PTPRJ: variants seen among roughly 807,000 people sequenced by gnomAD.
PTPRJ encodes protein tyrosine phosphatase receptor type J.
Under a neutral mutation model 141.3 loss-of-function variants are expected in PTPRJ, and 129 were observed. The ratio of observed to expected loss-of-function variants is 0.91; its 90% CI spans 0.79 to 1.06. The LOEUF is 1.06. PTPRJ is among the 50% of genes least tolerant of loss of function. PTPRJ has a pLI of 0.00. For synonymous variants in PTPRJ, 610 were observed against 640.5 expected (o/e 0.95, Z 0.72); for missense variants, 1,601 against 1,679.7 (o/e 0.95, Z 0.82).
At position 48,156,032 on chromosome 11, in the gene PTPRJ, G is replaced by T. The variant is rs760364226; in HGVS notation, c.3351G>T (p.Pro1117=). 1.2e-6 allele frequency: 2 copies of T among 1,606,024 alleles called. No homozygotes were observed. Among genetic ancestry groups the T allele is most frequent in the Middle Eastern group, 1.7e-4 (1 of 6,046 alleles). ...KDFIATQGPL[P]NTLKDFWRMV... ...TTATTGCCACACAAGGACCTTTACC[G>T]AACACTTTGAAAGATTTTTGGCGTA... Residue 1117 remains proline, a synonymous_variant, in exon 21 of 25, where the codon CCG becomes CCT. Transcript: ENST00000418331.
At chr11:48,023,816 A>G (rs1375714504) in intron 1 of PTPRJ, among the ~76,000 whole-genome samples, 1 of 147,024 alleles carries the variant, frequency 6.8e-6, no homozygotes, top group Non-Finnish European at 1.5e-5. Context: ...ATAAATAAAT[A>G]AATAAATAAA....
At chr11:48,147,015 A>C (rs1467084223) in intron 15 of PTPRJ, 52 bp downstream of exon 15, 1 of 1,476,732 alleles carries the variant, frequency 6.8e-7, no homozygotes, top group South Asian at 1.1e-5. Context: ...GAAGCTTTCT[A>C]TTAAGGAACA....
chr11:47,989,008 C>G (rs541345867), intron 1 of PTPRJ, among the ~76,000 whole-genome samples: 1 of 147,906 alleles, frequency 6.8e-6, no homozygotes, highest in Non-Finnish European at 1.5e-5. Flanking sequence ...CTCAGCCTCC[C>G]GAGTAGCTGG....
intron 3 of PTPRJ, among the ~76,000 whole-genome samples, chr11:48,119,490 CT>C (rs1749532071): frequency 6.6e-6 from 1 of 152,172 alleles, no homozygotes; most frequent in African/African-American, 2.4e-5. Context: ...ACTCTGCCTC[CT>C]GGGTTCAAGT....
chr11:48,015,384 G>A (rs1283439176), intron 1 of PTPRJ, among the ~76,000 whole-genome samples: 1 of 151,794 alleles, frequency 6.6e-6, no homozygotes, highest in Non-Finnish European at 1.5e-5. Flanking sequence ...ACTTCTGCAG[G>A]ATGGGACCAT....
intron 1 of PTPRJ, among the ~76,000 whole-genome samples, chr11:48,037,479 G>A (rs2134231879): frequency 6.6e-6 from 1 of 152,232 alleles, no homozygotes. Context: ...ATAATCCTGT[G>A]GAATAAGCAG....
chr11:48,060,091 G>A (rs1590452665), intron 1 of PTPRJ, among the ~76,000 whole-genome samples: 1 of 152,122 alleles, frequency 6.6e-6, no homozygotes, highest in Non-Finnish European at 1.5e-5. Context: ...TTAGCTTGCT[G>A]TTCGGATTAA....
chr11:48,035,018 C>T (rs1330087467), intron 1 of PTPRJ, among the ~76,000 whole-genome samples: 1 of 152,228 alleles, frequency 6.6e-6, no homozygotes, highest in African/African-American at 2.4e-5. Context: ...AGAATTCAAA[C>T]TCGAGTTTGT....
At chr11:48,102,108 A>G (rs141317610) in intron 1 of PTPRJ, among the ~76,000 whole-genome samples, 3,566 of 152,328 alleles carry the variant, frequency 0.023, 65 homozygotes, top group Non-Finnish European at 0.038. Flanking sequence ...GTCTTCAGGG[A>G]CATTTGGGGA....
At chr11:48,134,063 A>G (rs1361734867) in intron 8 of PTPRJ, among the ~76,000 whole-genome samples, 1 of 152,168 alleles carries the variant, frequency 6.6e-6, no homozygotes, top group Non-Finnish European at 1.5e-5. Flanking sequence ...TATTGATGAT[A>G]CCGAATTGTA....
chr11:48,072,086 G>A (rs1458606371), intron 1 of PTPRJ, among the ~76,000 whole-genome samples: 1 of 151,492 alleles, frequency 6.6e-6, no homozygotes, highest in East Asian at 1.9e-4. Flanking sequence ...TTGTATTTTT[G>A]TACAGACGGG....
At chr11:48,087,563 G>A (rs1229593609) in intron 1 of PTPRJ, among the ~76,000 whole-genome samples, 1 of 152,168 alleles carries the variant, frequency 6.6e-6, no homozygotes, top group East Asian at 1.9e-4. Context: ...AGGGATCTTA[G>A]GAATTAGTTC....
intron 1 of PTPRJ, among the ~76,000 whole-genome samples, chr11:48,085,430 C>T (rs60766812): frequency 0.015 from 2,265 of 152,162 alleles, 56 homozygotes; most frequent in African/African-American, 0.052. Flanking sequence ...CTGCAACCTC[C>T]GCCTCCCGGG....
chr11:48,144,602 A>G (rs991694249), intron 12 of PTPRJ, 73 bp from the exon 13 acceptor site: 26 of 1,208,680 alleles, frequency 2.2e-5, no homozygotes, highest in Non-Finnish European at 3.0e-5. Context: ...CATCACCACC[A>G]TGTAGATATG....
chr11:48,049,833 C>G (rs1229317504), intron 1 of PTPRJ, among the ~76,000 whole-genome samples: 1 of 152,064 alleles, frequency 6.6e-6, no homozygotes, highest in Non-Finnish European at 1.5e-5. Flanking sequence ...TGTGGGGTAA[C>G]CTTTCATCAT....
At chr11:48,088,232 C>T (rs951037941) in intron 1 of PTPRJ, among the ~76,000 whole-genome samples, 13 of 152,208 alleles carry the variant, frequency 8.5e-5, no homozygotes, top group Non-Finnish European at 1.0e-4. Context: ...AATAACATTC[C>T]TTTACAACGT....
At chr11:48,065,109 G>C (rs1425526974) in intron 1 of PTPRJ, among the ~76,000 whole-genome samples, 1 of 145,526 alleles carries the variant, frequency 6.9e-6, no homozygotes, top group Non-Finnish European at 1.5e-5. Context: ...CTTCTTCCCA[G>C]GTTCAAACGA....
chr11:48,059,952 T>C (rs1854874372), intron 1 of PTPRJ, among the ~76,000 whole-genome samples: 2 of 152,166 alleles, frequency 1.3e-5, no homozygotes, highest in African/African-American at 4.8e-5. Flanking sequence ...ACCTGTTTGA[T>C]TGAAGCTATA....
chr11:48,007,094 T>G (rs1056751957), intron 1 of PTPRJ, among the ~76,000 whole-genome samples: 1 of 151,956 alleles, frequency 6.6e-6, no homozygotes, highest in Admixed American at 6.6e-5. Flanking sequence ...GAGTCCTGTT[T>G]CTTTTTTTTT....
Sources: gnomAD v4.1 joint callset for allele counts (sites outside exome capture counted in the v4.1 genomes callset) on GRCh38, gnomAD v4.1.1 for gene constraint, MANE v1.5 for transcripts, NCBI Gene and HGNC (gene_info 2026-07-23, HGNC 2026-07-21) for gene names.